PRKAG2: variants seen among roughly 807,000 people sequenced by gnomAD.
The protein encoded by PRKAG2 is protein kinase AMP-activated non-catalytic subunit gamma 2.
PRKAG2 carries 26 observed loss-of-function variants against 69.6 expected under a neutral mutation model. The ratio of observed to expected loss-of-function variants is 0.37; its 90% CI spans 0.27 to 0.52. The LOEUF is 0.52. PRKAG2 is among the 20% of genes least tolerant of loss of function. The pLI, the probability that PRKAG2 is intolerant of heterozygous loss-of-function variation, is 0.90. For missense variants in PRKAG2, 557 were observed against 740.0 expected, an observed-to-expected ratio of 0.75 and a Z score of 2.87; for synonymous variants, 293 against 285.0, an observed-to-expected ratio of 1.03 and a Z score of -0.28.
intron 1 of PRKAG2, among the ~76,000 whole-genome samples, chr7:151,848,173 T>C (rs1383975283): frequency 6.6e-6 from 1 of 152,218 alleles, no homozygotes; most frequent in Non-Finnish European, 1.5e-5. Flanking sequence ...TCCTACAAAA[T>C]TCATGCTGAA....
rs566113702 is a variant in PRKAG2, at chr7:151,638,778, C to A, written c.685-6640G>T. 6.6e-6 allele frequency among the ~76,000 whole-genome samples: 1 copy of A among 152,194 alleles called. No individual in the cohort carries two copies. The highest frequency in any genetic ancestry group is 1.9e-4 in the East Asian group (1 of 5,202). On this transcript the variant is annotated intron_variant, in intron 4 of 15. Coordinates refer to ENST00000287878, the MANE Select transcript of PRKAG2 (RefSeq NM_016203.4). This position sits in a 1 kb window ranked among gnomAD's most constrained non-coding sequence, Gnocchi z 4.3. ...CAATTGCCAAAAAAGCACTCCTTTACGCACAGAGGTCGGATATGAGTTTGC... is the reference window on the plus strand; with the variant it reads ...CAATTGCCAAAAAAGCACTCCTTTAAGCACAGAGGTCGGATATGAGTTTGC...
At chr7:151,696,289 A>G (rs945575011) in intron 3 of PRKAG2, among the ~76,000 whole-genome samples, 1 of 152,204 alleles carries the variant, frequency 6.6e-6, no homozygotes, top group East Asian at 1.9e-4. Context: ...TCTCACAGCC[A>G]TCGTGCAGCC....
At chr7:151,724,787 C>T (rs1398111932) in intron 3 of PRKAG2, among the ~76,000 whole-genome samples, 1 of 152,200 alleles carries the variant, frequency 6.6e-6, no homozygotes, top group African/African-American at 2.4e-5. Context: ...CAAGTGCCGA[C>T]TTGCAGAGGC....
At chr7:151,830,621 C>T (rs1224798735) in intron 1 of PRKAG2, among the ~76,000 whole-genome samples, 1 of 151,896 alleles carries the variant, frequency 6.6e-6, no homozygotes, top group Non-Finnish European at 1.5e-5. Flanking sequence ...CCCGGCCCTC[C>T]CGCGATGGGA....
chr7:151,564,122 G>T lies in PRKAG2; in HGVS notation c.1540C>A (p.Leu514Met). ...YFEGVVKCNK[L>M]EILETIVDRI... ...TCCACGATGGTCTCCAGTATTTCCA[G>T]CTTATTGCACTTCACAACACCTTCA... is the stretch of plus-strand genomic sequence containing the variant. The change falls in exon 14 of 16, where the codon CTG (leucine) becomes ATG (methionine). Residue 514 changes from leucine (L) to methionine (M), a missense_variant. Transcript: ENST00000287878. 1.9e-6 allele frequency: 3 copies of T among 1,614,130 alleles called. No homozygotes were observed. Among genetic ancestry groups the T allele is most frequent in the Non-Finnish European group, 2.5e-6 (3 of 1,180,038 alleles).
chr7:151,680,127 A>C (rs1194175831), intron 3 of PRKAG2, among the ~76,000 whole-genome samples: 1 of 152,048 alleles, frequency 6.6e-6, no homozygotes, highest in Non-Finnish European at 1.5e-5. Context: ...GGAAACAGGT[A>C]CTCTGTGGTG....
chr7:151,694,288 A>G (rs906686132), intron 3 of PRKAG2, among the ~76,000 whole-genome samples: 2 of 152,248 alleles, frequency 1.3e-5, no homozygotes, highest in Non-Finnish European at 2.9e-5. Flanking sequence ...CTTTTTAAAC[A>G]TTTATTTTTG....
At chr7:151,578,905 C>T (rs185690926) in intron 6 of PRKAG2, among the ~76,000 whole-genome samples, 12 of 152,278 alleles carry the variant, frequency 7.9e-5, no homozygotes, top group Admixed American at 5.2e-4. Flanking sequence ...GTGGAAAAGT[C>T]GCATGTAAAT....
Position 151,613,137 on chromosome 7 carries a change from T to C in PRKAG2, c.755-17683A>G, listed in dbSNP as rs536913364. 8.5e-5 allele frequency among the ~76,000 whole-genome samples: 13 copies of C among 152,328 alleles called. No homozygotes were observed. The East Asian group carries it at 2.3e-3, about 27-fold the overall frequency. On this transcript the variant is annotated intron_variant, in intron 5 of 15. Coordinates refer to ENST00000287878, the MANE Select transcript of PRKAG2 (RefSeq NM_016203.4). ...CTGCGGCACTCTAAGACTGGGCAGA[T>C]GGAAGAAAGACAGTTGGGGTTGACG...
intron 3 of PRKAG2, among the ~76,000 whole-genome samples, chr7:151,740,132 C>T (rs1355262760): frequency 6.6e-6 from 1 of 152,212 alleles, no homozygotes; most frequent in Non-Finnish European, 1.5e-5. Context: ...CTCCAGCTGC[C>T]CCTGCTCCCT....
intron 3 of PRKAG2, among the ~76,000 whole-genome samples, chr7:151,689,538 T>G (rs1835322707): frequency 6.6e-6 from 1 of 152,178 alleles, no homozygotes; most frequent in South Asian, 2.1e-4. Flanking sequence ...GAGAGCCACG[T>G]ACAGCGAAGC....
intron 1 of PRKAG2, among the ~76,000 whole-genome samples, chr7:151,824,879 C>T (rs563363038): frequency 6.6e-6 from 1 of 152,336 alleles, no homozygotes; most frequent in South Asian, 2.1e-4. Flanking sequence ...TGAGTCTATT[C>T]CCTAATCCTA....
intron 1 of PRKAG2, among the ~76,000 whole-genome samples, chr7:151,853,739 A>G (rs971387224): frequency 4.1e-5 from 6 of 145,406 alleles, no homozygotes; most frequent in South Asian, 2.2e-4. Flanking sequence ...CAGCCTGGGC[A>G]ACACAGTGAG....
chr7:151,866,300 A>G (rs962289097), intron 1 of PRKAG2, among the ~76,000 whole-genome samples: 3 of 152,324 alleles, frequency 2.0e-5, no homozygotes, highest in African/African-American at 7.2e-5. Context: ...AAGCAGAGAT[A>G]TCAAAAACCT....
chr7:151,675,773 C>A lies in PRKAG2; in HGVS notation c.467-136G>T, dbSNP rs116298234. ...GGCCTCCAGGAAGGGACGTCGGGGGCAGTCAGAGGTCCGGCCTCCAGGAAG... is the reference window on the plus strand; with the variant it reads ...GGCCTCCAGGAAGGGACGTCGGGGGAAGTCAGAGGTCCGGCCTCCAGGAAG... On this transcript the variant is annotated intron_variant, in intron 3 of 15. Coordinates refer to ENST00000287878, the MANE Select transcript of PRKAG2 (RefSeq NM_016203.4). The A allele has an allele frequency of 1.3e-4, 109 of 819,316 alleles. No homozygotes were observed. The African/African-American group carries it at 1.6e-3, about 12-fold the overall frequency. The allele number at this position is 819,316 out of a possible 1,614,324, so 50.8% of individuals were successfully genotyped here. A position where few individuals can be genotyped will look rare whatever the true frequency, so the allele number is the denominator to read the frequency against.
chr7:151,675,267 C>G (rs1371039670), intron 4 of PRKAG2, 153 bp downstream of exon 4: 3 of 828,294 alleles, frequency 3.6e-6, no homozygotes, highest in Admixed American at 4.0e-5. Flanking sequence ...CCATTTCTCC[C>G]TCAGCCTGTG....
chr7:151,832,579 G>A (rs2079060397), intron 1 of PRKAG2, among the ~76,000 whole-genome samples: 1 of 123,100 alleles, frequency 8.1e-6, no homozygotes, highest in East Asian at 2.6e-4. Context: ...TGGTCTGCTG[G>A]GCACTGAGGC....
intron 1 of PRKAG2, among the ~76,000 whole-genome samples, chr7:151,862,746 C>G (rs2079963328): frequency 6.6e-6 from 1 of 152,180 alleles, no homozygotes; most frequent in African/African-American, 2.4e-5. Flanking sequence ...CTCCCGGATC[C>G]CCAGGCGCAG....
At chr7:151,858,758 C>T (rs2079846301) in intron 1 of PRKAG2, among the ~76,000 whole-genome samples, 2 of 152,194 alleles carry the variant, frequency 1.3e-5, no homozygotes, top group Non-Finnish European at 2.9e-5. Flanking sequence ...TGGTTTGAGC[C>T]CCCAATCCAA....
Sources: allele counts gnomAD v4.1 joint callset (sites outside exome capture counted in the v4.1 genomes callset), GRCh38; gene constraint gnomAD v4.1.1; non-coding constraint Gnocchi (gnomAD v3.1); transcripts MANE v1.5; gene names NCBI Gene and HGNC (gene_info 2026-07-23, HGNC 2026-07-21).